TULP4: variants seen among roughly 807,000 people sequenced by gnomAD.
TULP4 encodes the protein TUB like protein 4.
A neutral mutation model predicts 129.0 loss-of-function variants in TULP4; 16 were observed. That is an observed-to-expected ratio of 0.12 (90% CI 0.08 to 0.19). TULP4 has a LOEUF of 0.19. TULP4 is among the 10% of genes least tolerant of loss of function. The pLI is 1.00. For synonymous variants in TULP4, 998 were observed against 854.0 expected, an observed-to-expected ratio of 1.17 and a Z score of -2.94; for missense variants, 1,842 against 2,059.1, an observed-to-expected ratio of 0.89 and a Z score of 2.04.
chr6:158,351,106 T>C lies in TULP4; in HGVS notation c.252+36838T>C, dbSNP rs140818703. Among the ~76,000 whole-genome samples the C allele has an allele frequency of 1.1e-3, 166 of 152,284 alleles. 2 individuals are homozygous for C. The highest frequency in any genetic ancestry group is 6.2e-3 in the East Asian group (32 of 5,184). On this transcript the variant is annotated intron_variant, in intron 1 of 13. Transcript: ENST00000367097. ...TATGCTTTCACAGAGTTCAAATGGGTGCGAACTTGTCCCTGGATACTTTGC... is the reference window on the plus strand; with the variant it reads ...TATGCTTTCACAGAGTTCAAATGGGCGCGAACTTGTCCCTGGATACTTTGC...
At chr6:158,310,445 TG>T (rs1779324644), upstream of TULP4, 1 of 151,954 alleles carries the variant, frequency 6.6e-6, no homozygotes, top group Non-Finnish European at 1.5e-5. Context: ...CTCAGCCTCC[TG>T]AGTAGTTGGG....
intron 3 of TULP4, among the ~76,000 whole-genome samples, chr6:158,440,766 A>G (rs921346660): frequency 6.6e-6 from 1 of 152,144 alleles, no homozygotes; most frequent in Non-Finnish European, 1.5e-5. Context: ...GTTTTTAGTT[A>G]TTTCTTTTTG....
intron 5 of TULP4, among the ~76,000 whole-genome samples, chr6:158,459,163 G>T (rs1234507053): frequency 2.0e-5 from 3 of 152,308 alleles, no homozygotes; most frequent in East Asian, 3.9e-4. Context: ...GGGCGCGGTG[G>T]CTCACGCCTG....
intron 1 of TULP4, among the ~76,000 whole-genome samples, chr6:158,268,035 C>CTTTTTTTTTTTTTTTTTTTTTTTT (rs773811376): frequency 5.5e-5 from 4 of 72,762 alleles, no homozygotes; most frequent in Non-Finnish European, 9.3e-5. Flanking sequence ...TTTCTTTTTT[C>CTTTTTTTTTTTTTTTTTTTTTTTT]TTTTTTTTTT....
At chr6:158,443,338 A>G (rs1244280807) in intron 3 of TULP4, among the ~76,000 whole-genome samples, 5 of 151,740 alleles carry the variant, frequency 3.3e-5, no homozygotes, top group Non-Finnish European at 7.4e-5. Flanking sequence ...GCTGGTTTTG[A>G]ACTCCTGACC....
At chr6:158,237,240 A>T in intron 1 of TULP4, 1 of 819,360 alleles carries the variant, frequency 1.2e-6, no homozygotes. Flanking sequence ...GGAGATGAAG[A>T]GGGAGCAGTT....
intron 2 of TULP4, among the ~76,000 whole-genome samples, chr6:158,426,569 A>G (rs139887880): frequency 1.3e-5 from 2 of 152,112 alleles, no homozygotes; most frequent in East Asian, 3.9e-4. Context: ...GTTCTGTTCC[A>G]TTGGTCTGTG....
chr6:158,291,713 T>C (rs994786660), intron 1 of TULP4, among the ~76,000 whole-genome samples: 37 of 152,330 alleles, frequency 2.4e-4, no homozygotes, highest in Admixed American at 2.4e-3. Context: ...TGATCTCTTA[T>C]ATTTCTATCT....
At chr6:158,344,012 CATCGTG>C (rs898182631) in intron 1 of TULP4, among the ~76,000 whole-genome samples, 13 of 152,172 alleles carry the variant, frequency 8.5e-5, no homozygotes, top group South Asian at 2.1e-4. Context: ...GACATTCCAC[CATCGTG>C]ATTTGTTTCT....
intron 1 of TULP4, among the ~76,000 whole-genome samples, chr6:158,399,326 TTC>T (rs1777792794): frequency 6.6e-6 from 1 of 152,190 alleles, no homozygotes; most frequent in South Asian, 2.1e-4. Flanking sequence ...CTCAGCTGAG[TTC>T]TGTTTCAGCA....
intron 2 of TULP4, among the ~76,000 whole-genome samples, chr6:158,425,097 T>C (rs1010592660): frequency 2.4e-5 from 3 of 124,362 alleles, no homozygotes; most frequent in African/African-American, 9.4e-5. Context: ...GAGCTTGCAG[T>C]GAGCTGAGAT....
intron 8 of TULP4, among the ~76,000 whole-genome samples, chr6:158,488,956 C>T (rs887852640): frequency 1.3e-5 from 2 of 152,172 alleles, no homozygotes; most frequent in South Asian, 2.1e-4. Context: ...AGGCCCCATG[C>T]GGAGTACCCC....
At chr6:158,246,023 G>GGTGTGTGTGT (rs66690741) in intron 1 of TULP4, among the ~76,000 whole-genome samples, 1,889 of 145,884 alleles carry the variant, frequency 0.013, 20 homozygotes, top group South Asian at 0.024. Context: ...ACCCCTTAGG[G>GGTGTGTGTGT]GTGTGTGTGT....
chr6:158,244,601 G>A (rs142669729), intron 1 of TULP4, among the ~76,000 whole-genome samples: 89 of 152,234 alleles, frequency 5.8e-4, no homozygotes, highest in African/African-American at 2.0e-3. Flanking sequence ...CAGCAGGATG[G>A]CAGCTGCCTA....
At chr6:158,241,672 G>A (rs1040966099) in intron 1 of TULP4, among the ~76,000 whole-genome samples, 8 of 152,082 alleles carry the variant, frequency 5.3e-5, no homozygotes, top group South Asian at 2.1e-4. Flanking sequence ...TTGGCTCACC[G>A]CAACCTCTGC....
intron 1 of TULP4, among the ~76,000 whole-genome samples, chr6:158,240,372 G>A (rs1325081298): frequency 3.9e-5 from 3 of 77,364 alleles, no homozygotes; most frequent in Admixed American, 1.3e-4. Flanking sequence ...CTCCCGGACC[G>A]GGCGGCTGGC....
intron 1 of TULP4, among the ~76,000 whole-genome samples, chr6:158,385,954 C>T (rs1777438846): frequency 6.7e-6 from 1 of 148,770 alleles, no homozygotes; most frequent in South Asian, 2.1e-4. Context: ...AAGCAATCCT[C>T]CTGCATCCGC....
chr6:158,424,470 G>C (rs192773602), intron 2 of TULP4, among the ~76,000 whole-genome samples: 203 of 152,062 alleles, frequency 1.3e-3, no homozygotes, highest in African/African-American at 4.6e-3. Flanking sequence ...GGCTGGTCTT[G>C]AACTCCTGAC....
chr6:158,287,765 A>C (rs1262613690), intron 1 of TULP4, among the ~76,000 whole-genome samples: 7 of 152,234 alleles, frequency 4.6e-5, no homozygotes, highest in African/African-American at 9.6e-5. Context: ...TCCAGGCAGT[A>C]AATATATTCA....
Sources: gnomAD v4.1 joint callset for allele counts (sites outside exome capture counted in the v4.1 genomes callset) on GRCh38, gnomAD v4.1.1 for gene constraint, MANE v1.5 for transcripts, NCBI Gene and HGNC (gene_info 2026-07-23, HGNC 2026-07-21) for gene names.